Variants in ZNF75D observed in about 807,000 individuals in gnomAD.
The protein encoded by ZNF75D is zinc finger protein 75D, also known as zinc finger protein 75.
In ZNF75D, 33 loss-of-function variants were observed where a neutral mutation model predicts 33.3. The ratio of observed to expected loss-of-function variants is 0.99; its 90% CI spans 0.75 to 1.32. The LOEUF (loss-of-function observed/expected upper bound fraction) is 1.32, where lower values mean the gene tolerates loss of function less well. Ranked by LOEUF, ZNF75D falls within the 40% of genes most tolerant of loss-of-function variation. The pLI is 0.00. For missense variants in ZNF75D, 338 were observed against 367.5 expected (o/e 0.92, Z 0.66); for synonymous variants, 113 against 130.6 (o/e 0.87, Z 0.92).
chrX:135,279,033 T>C (rs1451530044), intron 1 of ZNF75D, among the ~76,000 whole-genome samples: 1 of 111,996 alleles, frequency 8.9e-6, no homozygotes, highest in Non-Finnish European at 1.9e-5. Flanking sequence ...TCCCTCTTTT[T>C]CTATTGTTTG....
At chrX:135,299,128 A>G (rs782161862) in intron 1 of ZNF75D, among the ~76,000 whole-genome samples, 53 of 112,077 alleles carry the variant, frequency 4.7e-4, no homozygotes, top group Non-Finnish European at 9.2e-4. Flanking sequence ...ATATATTTTT[A>G]TTTATTTTAC....
At chrX:135,291,362 C>A in intron 5 of ZNF75D, 110 bp downstream of exon 5, 1 of 962,495 alleles carries the variant, frequency 1.0e-6, no homozygotes, top group East Asian at 3.2e-5. Context: ...ATAACTGGGG[C>A]TAAAATGCCT....
chrX:135,280,693 A>T (rs2083916923), intron 1 of ZNF75D, among the ~76,000 whole-genome samples: 1 of 111,537 alleles, frequency 9.0e-6, no homozygotes, highest in East Asian at 2.8e-4. Context: ...GTGGTGACAA[A>T]ATCTCTCAGC....
chrX:135,340,239 C>T (rs782671579), intron 1 of ZNF75D, among the ~76,000 whole-genome samples: 5 of 112,327 alleles, frequency 4.5e-5, no homozygotes, highest in African/African-American at 1.6e-4. Context: ...ACACCCTCCA[C>T]CACAATCCAA....
At chrX:135,258,061 T>C (rs1556414665) in intron 1 of ZNF75D, among the ~76,000 whole-genome samples, 1 of 108,053 alleles carries the variant, frequency 9.3e-6, no homozygotes, top group African/African-American at 3.3e-5. Flanking sequence ...GAACATGCAG[T>C]GTTTGGTTTT....
chrX:135,293,806 T>G lies in ZNF75D; in HGVS notation c.335A>C (p.His112Pro). The G allele has an allele frequency of 8.3e-7, 1 of 1,208,646 alleles. No homozygotes were observed. Among genetic ancestry groups the G allele is most frequent in the Non-Finnish European group, 1.1e-6 (1 of 892,944 alleles). ...PKETQNWVQK[H>P]HPQNVKQALV... ...AGCCTGTTTGACATTCTGTGGATGA[T>G]GCTTCTGCACCCAGTTCTGGGTCTC... Residue 112 changes from histidine to proline, a missense_variant, in exon 3 of 7, where the codon CAT becomes CCT. Physicochemically the swap from His to Pro is moderately conservative, Grantham distance 77. Coordinates refer to ENST00000370766, the MANE Select transcript of ZNF75D (RefSeq NM_007131.5).
At chrX:135,336,369 G>A (rs1556442389) in intron 1 of ZNF75D, among the ~76,000 whole-genome samples, 1 of 112,968 alleles carries the variant, frequency 8.9e-6, no homozygotes, top group Non-Finnish European at 1.9e-5. Context: ...AGCCCAAATA[G>A]ACAAAGACTG....
intron 1 of ZNF75D, among the ~76,000 whole-genome samples, chrX:135,298,804 C>A (rs1042172123): frequency 1.8e-5 from 2 of 111,646 alleles, no homozygotes; most frequent in Admixed American, 1.9e-4. Flanking sequence ...TCAGCACCAA[C>A]CCTAGGCAAC....
At chrX:135,258,324 C>G (rs1400709539) in intron 1 of ZNF75D, among the ~76,000 whole-genome samples, 2 of 110,379 alleles carry the variant, frequency 1.8e-5, no homozygotes, top group Admixed American at 9.7e-5. Flanking sequence ...AATGTGATTA[C>G]TGGGTCAAAT....
rs1339466049 is a variant in ZNF75D at position 135,343,569 on chromosome X, T to G, written c.-2192A>C. On this transcript the variant is annotated 5_prime_UTR_variant, in exon 1 of 7. An upstream open reading frame in the 5' UTR loses its in-frame stop. Transcript: ENST00000370766. ...AAGCACAGGTGGGAGGCCGCCAAGC[T>G]AGACCTTGGGTCGGGCGGGAGCAGC... 8.9e-6 allele frequency: 1 copy of G among 111,811 alleles called. No individual in the cohort carries two copies. The highest frequency in any genetic ancestry group is 2.8e-4 in the East Asian group (1 of 3,528). 9.2% of individuals were successfully genotyped at this position (111,811 alleles called of 1,213,427 possible).
At chrX:135,290,449 C>T (rs1468437594) in intron 6 of ZNF75D, among the ~76,000 whole-genome samples, 1 of 112,309 alleles carries the variant, frequency 8.9e-6, no homozygotes, top group Non-Finnish European at 1.9e-5. Context: ...CATAGGATCA[C>T]TTGAATGTTA....
intron 1 of ZNF75D, among the ~76,000 whole-genome samples, chrX:135,259,059 C>A (rs1556415034): frequency 2.7e-5 from 3 of 112,123 alleles, no homozygotes; most frequent in Non-Finnish European, 5.6e-5. Flanking sequence ...GGAATCCTTT[C>A]CCCATTTCTT....
At chrX:135,338,563 A>G (rs145206767) in intron 1 of ZNF75D, among the ~76,000 whole-genome samples, 1,768 of 111,833 alleles carry the variant, frequency 0.016, 35 homozygotes, top group African/African-American at 0.053. Flanking sequence ...AATACTTGGA[A>G]ACTCTGCAGA....
intron 1 of ZNF75D, among the ~76,000 whole-genome samples, chrX:135,337,570 C>T (rs373389397): frequency 8.9e-6 from 1 of 111,859 alleles, no homozygotes; most frequent in Non-Finnish European, 1.9e-5. Flanking sequence ...ACTGGAATCA[C>T]GTGAAAACTT....
At position 135,338,269 on chromosome X, in the gene ZNF75D, G is replaced by A. The variant is rs782398609; in HGVS notation, c.-391+3499C>T. On this transcript the variant is annotated intron_variant, in intron 1 of 6. Coordinates refer to ENST00000370766, the MANE Select transcript of ZNF75D (RefSeq NM_007131.5). ...GACAGGTAGACTCAGAATTGTCTCC[G>A]CAATCTGGGGTAGAGAGGACTCTAG... Among the ~76,000 whole-genome samples, 7 of 111,169 alleles carry A rather than the reference G, an allele frequency of 6.3e-5. No individual in the cohort carries two copies. In the East Asian group the frequency reaches 1.4e-3, roughly 22 times the overall value.
At chrX:135,331,544 T>C (rs2084651498) in intron 1 of ZNF75D, among the ~76,000 whole-genome samples, 1 of 110,816 alleles carries the variant, frequency 9.0e-6, no homozygotes, top group South Asian at 3.8e-4. Context: ...ATGGTGGATA[T>C]GGGCAAGCTT....
chrX:135,304,646 C>G (rs17283948), intron 1 of ZNF75D, among the ~76,000 whole-genome samples: 3 of 112,278 alleles, frequency 2.7e-5, no homozygotes, highest in East Asian at 5.7e-4. Context: ...GTTCCTTCGA[C>G]GGCTAACCAT....
At chrX:135,331,092 T>A in intron 1 of ZNF75D, among the ~76,000 whole-genome samples, 1 of 111,755 alleles carries the variant, frequency 8.9e-6, no homozygotes, top group Admixed American at 9.5e-5. Flanking sequence ...GTGGGAGGTT[T>A]AGGATACCTT....
rs151302485 is a variant in ZNF75D, at chrX:135,334,796, T to C, written c.-391+6972A>G. Among the ~76,000 whole-genome samples, 226 of 111,873 alleles carry C rather than the reference T, an allele frequency of 2.0e-3. 1 individual carries two copies. The highest frequency in any genetic ancestry group is 7.1e-3 in the African/African-American group (219 of 30,756). ...ATCATCGCCCAGTGTGTCATGTATA[T>C]TTATTATACATGTGCATGCTAATAC... On this transcript the variant is annotated intron_variant, in intron 1 of 6. Transcript: ENST00000370766.
Sources: gnomAD v4.1 joint callset for allele counts (sites outside exome capture counted in the v4.1 genomes callset) on GRCh38, gnomAD v4.1.1 for gene constraint, MANE v1.5 for transcripts, NCBI Gene and HGNC (gene_info 2026-07-23, HGNC 2026-07-21) for gene names.